The following ZNF503 variants were observed in gnomAD, a reference collection of about 807,000 sequenced individuals.
ZNF503 encodes zinc finger protein 503, also known as NocA-like zinc finger 2.
Under a neutral mutation model 34.4 loss-of-function variants are expected in ZNF503, and 15 were observed. The ratio of observed to expected loss-of-function variants is 0.44; its 90% CI spans 0.29 to 0.67. ZNF503 has a LOEUF of 0.67. Among genes scored for constraint, ZNF503 ranks in the 30% least tolerant of loss-of-function variants. The pLI is 0.13. For synonymous variants in ZNF503, 580 were observed against 456.8 expected (o/e 1.27, Z -3.44); for missense variants, 1,007 against 926.8 (o/e 1.09, Z -1.12).
the ZNF503 span, among the ~76,000 whole-genome samples, chr10:75,342,961 G>C: frequency 6.6e-6 from 1 of 152,154 alleles, no homozygotes; most frequent in Non-Finnish European, 1.5e-5. Context: ...CTTGACAAAG[G>C]GAAATAGAGA....
At chr10:75,401,889 C>G (rs1314549494), upstream of ZNF503, 1 of 190,934 alleles carries the variant, frequency 5.2e-6, no homozygotes, top group Non-Finnish European at 1.0e-5. Flanking sequence ...CCCGCGCCGC[C>G]GCCGCCGCCG....
the ZNF503 span, among the ~76,000 whole-genome samples, chr10:75,306,490 A>G: frequency 6.6e-6 from 1 of 152,172 alleles, no homozygotes; most frequent in African/African-American, 2.4e-5. Context: ...CTCCCATTCC[A>G]TAGGCTATCT....
chr10:75,329,931 T>C, the ZNF503 span, among the ~76,000 whole-genome samples: 1 of 152,254 alleles, frequency 6.6e-6, no homozygotes, highest in African/African-American at 2.4e-5. Context: ...GTGGGCAACC[T>C]TGTCTTGTTC....
chr10:75,347,747 A>T, the ZNF503 span, among the ~76,000 whole-genome samples: 1 of 152,244 alleles, frequency 6.6e-6, no homozygotes, highest in Non-Finnish European at 1.5e-5. Context: ...TACATACACA[A>T]AAGAGGAGAA....
the ZNF503 span, among the ~76,000 whole-genome samples, chr10:75,317,264 CTTTTTTTTTTTTTTTTT>C: frequency 1.3e-5 from 1 of 74,764 alleles, no homozygotes; most frequent in South Asian, 6.3e-4. Context: ...CATCCCACGT[CTTTTTTTTTTTTTTTTT>C]TTTTTTTTTT....
At chr10:75,311,903 A>G in the ZNF503 span, among the ~76,000 whole-genome samples, 39 of 151,674 alleles carry the variant, frequency 2.6e-4, no homozygotes, top group African/African-American at 8.9e-4. Flanking sequence ...ACACCCAGCT[A>G]ATTTTTTTTT....
At chr10:75,319,047 C>T in the ZNF503 span, among the ~76,000 whole-genome samples, 1 of 152,048 alleles carries the variant, frequency 6.6e-6, no homozygotes, top group Non-Finnish European at 1.5e-5. Context: ...GCAGCCTCGA[C>T]CTCCTGAGGT....
chr10:75,392,641 C>G, the ZNF503 span, among the ~76,000 whole-genome samples: 3 of 152,222 alleles, frequency 2.0e-5, no homozygotes, highest in South Asian at 6.2e-4. Flanking sequence ...CGAGGTAGAG[C>G]AGGCAAACAG....
chr10:75,324,971 A>C, the ZNF503 span, among the ~76,000 whole-genome samples: 1 of 152,148 alleles, frequency 6.6e-6, no homozygotes, highest in Admixed American at 6.5e-5. Context: ...CATTTTATGG[A>C]TATATCAATT....
At chr10:75,345,479 A>G in the ZNF503 span, among the ~76,000 whole-genome samples, 1 of 151,872 alleles carries the variant, frequency 6.6e-6, no homozygotes, top group Admixed American at 6.6e-5. Context: ...TACTAAAAAT[A>G]CAAAAATTAG....
the ZNF503 span, among the ~76,000 whole-genome samples, chr10:75,281,968 G>A: frequency 3.9e-5 from 6 of 152,246 alleles, no homozygotes; most frequent in African/African-American, 1.4e-4. Context: ...TTGGGACTCA[G>A]GTCTCTTCCA....
At chr10:75,341,168 T>C in the ZNF503 span, among the ~76,000 whole-genome samples, 1 of 152,256 alleles carries the variant, frequency 6.6e-6, no homozygotes, top group Non-Finnish European at 1.5e-5. Context: ...TAGTGTCTGA[T>C]ACATAGTAGT....
chr10:75,354,413 A>C, the ZNF503 span, among the ~76,000 whole-genome samples: 1 of 152,332 alleles, frequency 6.6e-6, no homozygotes, highest in Middle Eastern at 3.4e-3. Flanking sequence ...TCCTATAACG[A>C]TGAAAGAACT....
At chr10:75,321,269 G>C in the ZNF503 span, among the ~76,000 whole-genome samples, 4 of 152,288 alleles carry the variant, frequency 2.6e-5, no homozygotes, top group Middle Eastern at 3.4e-3. Context: ...GCAGAACCAT[G>C]AATCAGTTAA....
At chr10:75,282,775 G>A in the ZNF503 span, among the ~76,000 whole-genome samples, 7 of 152,324 alleles carry the variant, frequency 4.6e-5, no homozygotes, top group African/African-American at 1.7e-4. Context: ...AGTCGTGTTG[G>A]GTCTTGGTGT....
At chr10:75,310,766 A>T in the ZNF503 span, among the ~76,000 whole-genome samples, 1 of 152,174 alleles carries the variant, frequency 6.6e-6, no homozygotes, top group Non-Finnish European at 1.5e-5. Flanking sequence ...GGTATCATGG[A>T]TTCTGAGTGG....
At chr10:75,341,176 A>T in the ZNF503 span, among the ~76,000 whole-genome samples, 3 of 152,228 alleles carry the variant, frequency 2.0e-5, no homozygotes, top group African/African-American at 7.2e-5. Context: ...GATACATAGT[A>T]GTGCTTAGAG....
At chr10:75,336,097 T>C in the ZNF503 span, among the ~76,000 whole-genome samples, 1 of 152,196 alleles carries the variant, frequency 6.6e-6, no homozygotes, top group African/African-American at 2.4e-5. Flanking sequence ...ATCATTCTCA[T>C]TTCTACTTCT....
At chr10:75,394,434 C>T (rs551244107), downstream of ZNF503, among the ~76,000 whole-genome samples, 4 of 152,336 alleles carry the variant, frequency 2.6e-5, no homozygotes, top group South Asian at 8.3e-4. Context: ...GAACCCTAAG[C>T]CAATACGTGC....
Sources: gnomAD v4.1 joint callset for allele counts (sites outside exome capture counted in the v4.1 genomes callset) on GRCh38, gnomAD v4.1.1 for gene constraint, MANE v1.5 for transcripts, NCBI Gene and HGNC (gene_info 2026-07-23, HGNC 2026-07-21) for gene names.